NXPE2: variants seen among roughly 807,000 people sequenced by gnomAD.
The protein encoded by NXPE2 is neurexophilin and PC-esterase domain family member 2, also known as NXPE family member 2.
In NXPE2, 34 loss-of-function variants were observed where a neutral mutation model predicts 34.4. The ratio of observed to expected loss-of-function variants is 0.99; its 90% CI spans 0.75 to 1.31. The LOEUF (loss-of-function observed/expected upper bound fraction) is 1.31. NXPE2 is among the 40% of genes most tolerant of loss of function. NXPE2 has a pLI of 0.00. For synonymous variants in NXPE2, 235 were observed against 231.3 expected (o/e 1.02, Z -0.15); for missense variants, 649 against 672.5 (o/e 0.97, Z 0.39).
At chr11:114,572,510 A>G in the NXPE2 span, among the ~76,000 whole-genome samples, 3 of 152,216 alleles carry the variant, frequency 2.0e-5, no homozygotes, top group Non-Finnish European at 4.4e-5. Flanking sequence ...AATAGATAGT[A>G]TAAATAAAAA....
chr11:114,777,737 G>A, the NXPE2 span, among the ~76,000 whole-genome samples: 1 of 152,160 alleles, frequency 6.6e-6, no homozygotes, highest in Non-Finnish European at 1.5e-5. Context: ...TGAAAAGCAG[G>A]ACTCAGGAGC....
chr11:114,504,354 C>T, the NXPE2 span, among the ~76,000 whole-genome samples: 1 of 152,144 alleles, frequency 6.6e-6, no homozygotes, highest in Non-Finnish European at 1.5e-5. Context: ...GAGAAGGCAT[C>T]CAGACCTGTG....
chr11:114,743,121 C>A, the NXPE2 span, among the ~76,000 whole-genome samples: 1 of 152,144 alleles, frequency 6.6e-6, no homozygotes, highest in South Asian at 2.1e-4. Context: ...AGGCAACAGG[C>A]TTCATTTTCT....
the NXPE2 span, among the ~76,000 whole-genome samples, chr11:114,658,933 G>A: frequency 6.6e-6 from 1 of 152,140 alleles, no homozygotes; most frequent in East Asian, 1.9e-4. Context: ...GAAGGGACAA[G>A]GGCATGAAGA....
the NXPE2 span, among the ~76,000 whole-genome samples, chr11:114,562,096 G>A: frequency 6.6e-6 from 1 of 151,896 alleles, no homozygotes; most frequent in South Asian, 2.1e-4. Flanking sequence ...TTGTTTTCTT[G>A]GCATGTCAAT....
At chr11:114,584,357 A>G in the NXPE2 span, 1 of 420,984 alleles carries the variant, frequency 2.4e-6, no homozygotes, top group Non-Finnish European at 4.8e-6. Context: ...TGGCTGTTTG[A>G]GAACCTAGTA....
upstream of NXPE2, among the ~76,000 whole-genome samples, chr11:114,678,090 A>G (rs949008588): frequency 4.6e-5 from 7 of 152,066 alleles, no homozygotes; most frequent in East Asian, 1.3e-3. Context: ...AAAGTTTACA[A>G]AGAAAGCACT....
the NXPE2 span, among the ~76,000 whole-genome samples, chr11:114,769,123 C>A: frequency 4.0e-5 from 6 of 151,464 alleles, 1 homozygote; most frequent in South Asian, 1.3e-3. Flanking sequence ...GAAAAAAAAA[C>A]AACCCCATCA....
the NXPE2 span, chr11:114,526,441 A>C: frequency 1.5e-5 from 1 of 64,954 alleles, no homozygotes; most frequent in Admixed American, 1.4e-4. Context: ...TGACATTTTA[A>C]ATTGCCTTTC....
At chr11:114,522,890 T>C in the NXPE2 span, 3 of 1,611,446 alleles carry the variant, frequency 1.9e-6, no homozygotes, top group Non-Finnish European at 2.5e-6. Context: ...TTTTACAACT[T>C]TGGGGAAGTA....
At chr11:114,497,424 C>G in the NXPE2 span, among the ~76,000 whole-genome samples, 2 of 152,152 alleles carry the variant, frequency 1.3e-5, no homozygotes, top group Non-Finnish European at 2.9e-5. Flanking sequence ...CCTGCAAGCT[C>G]CATTTATGGT....
chr11:114,787,705 C>CTATG, the NXPE2 span, among the ~76,000 whole-genome samples: 1 of 152,152 alleles, frequency 6.6e-6, no homozygotes, highest in Non-Finnish European at 1.5e-5. Context: ...ACAGATGCTA[C>CTATG]TATGTATGTA....
chr11:114,552,570 G>C, the NXPE2 span, among the ~76,000 whole-genome samples: 1 of 151,690 alleles, frequency 6.6e-6, no homozygotes, highest in African/African-American at 2.4e-5. Context: ...CAAAAAGCAT[G>C]TTCAATAGGA....
chr11:114,606,770 C>T, the NXPE2 span, among the ~76,000 whole-genome samples: 3 of 151,780 alleles, frequency 2.0e-5, no homozygotes, highest in Admixed American at 1.3e-4. Flanking sequence ...CAGGGGTAAC[C>T]ACTATTATCC....
chr11:114,611,466 C>T, the NXPE2 span, among the ~76,000 whole-genome samples: 1 of 151,896 alleles, frequency 6.6e-6, no homozygotes, highest in Middle Eastern at 3.4e-3. Context: ...AGTATTGCCT[C>T]GTGGGTAACC....
the NXPE2 span, among the ~76,000 whole-genome samples, chr11:114,492,544 T>C: frequency 2.0e-5 from 3 of 149,632 alleles, no homozygotes; most frequent in African/African-American, 7.3e-5. Flanking sequence ...TCTTTTTCTT[T>C]TTTTTTTTTT....
At chr11:114,601,816 TA>T in the NXPE2 span, among the ~76,000 whole-genome samples, 1 of 74,578 alleles carries the variant, frequency 1.3e-5, no homozygotes, top group Non-Finnish European at 2.3e-5. Context: ...ATTATATAAT[TA>T]TATATAATAT....
chr11:114,742,683 A>G, the NXPE2 span, among the ~76,000 whole-genome samples: 4 of 133,854 alleles, frequency 3.0e-5, no homozygotes, highest in South Asian at 2.3e-4. Flanking sequence ...TCATACTTCC[A>G]TGATGGTATT....
chr11:114,748,954 G>T, the NXPE2 span, among the ~76,000 whole-genome samples: 2 of 152,128 alleles, frequency 1.3e-5, no homozygotes, highest in Admixed American at 1.3e-4. Context: ...AATTGTGCTA[G>T]ATCTGACCAG....
Sources: allele counts gnomAD v4.1 joint callset (sites outside exome capture counted in the v4.1 genomes callset), GRCh38; gene constraint gnomAD v4.1.1; transcripts MANE v1.5; gene names NCBI Gene and HGNC (gene_info 2026-07-23, HGNC 2026-07-21).